CUL1: variants seen among roughly 807,000 people sequenced by gnomAD.
CUL1 encodes the protein cullin-1.
In CUL1, 24 loss-of-function variants were observed where a neutral mutation model predicts 118.0. The observed-to-expected ratio is 0.20, with a 90% confidence interval of 0.15 to 0.29. The LOEUF (loss-of-function observed/expected upper bound fraction) is 0.29, where lower values mean the gene tolerates loss of function less well. CUL1 is among the 10% of genes least tolerant of loss of function. The pLI, the probability that CUL1 is intolerant of heterozygous loss-of-function variation, is 1.00. For synonymous variants in CUL1, 332 were observed against 340.4 expected, an observed-to-expected ratio of 0.98 and a Z score of 0.27; for missense variants, 361 against 933.8, an observed-to-expected ratio of 0.39 and a Z score of 7.99.
At chr7:148,766,165 C>T (rs1457770229) in intron 7 of CUL1, among the ~76,000 whole-genome samples, 1 of 152,122 alleles carries the variant, frequency 6.6e-6, no homozygotes, top group Non-Finnish European at 1.5e-5. Flanking sequence ...GAGTCTTGCT[C>T]TGTTGCCCAG....
chr7:148,731,637 C>T (rs934090782), intron 2 of CUL1, among the ~76,000 whole-genome samples: 1 of 152,090 alleles, frequency 6.6e-6, no homozygotes, highest in Non-Finnish European at 1.5e-5. Context: ...AATTTTAGAA[C>T]ATTTTAATCA....
chr7:148,732,574 A>G (rs1798798982), intron 2 of CUL1, among the ~76,000 whole-genome samples: 1 of 151,632 alleles, frequency 6.6e-6, no homozygotes. Context: ...TTCTGGGCTC[A>G]AGCATTCCGC....
chr7:148,754,811 A>T (rs115518135), intron 3 of CUL1, among the ~76,000 whole-genome samples: 14 of 151,362 alleles, frequency 9.2e-5, no homozygotes, highest in African/African-American at 3.4e-4. Context: ...CAGTAGTGCA[A>T]TCATAGGTCA....
At chr7:148,782,539 T>C (rs1800675510) in intron 9 of CUL1, among the ~76,000 whole-genome samples, 1 of 152,264 alleles carries the variant, frequency 6.6e-6, no homozygotes, top group African/African-American at 2.4e-5. Context: ...TCCCTTTTAA[T>C]GTTTTCTCTT....
Position 148,767,809 on chromosome 7 carries a change from CAT to C in CUL1, c.1083+63_1083+64del, listed in dbSNP as rs1401586948. 2.6e-6 allele frequency: 4 copies of C among 1,521,898 alleles called. No individual in the cohort carries two copies. In the African/African-American group the frequency reaches 4.2e-5, roughly 16 times the overall value. The allele number at this position is 1,521,898 out of a possible 1,614,324, so 94.3% of individuals were successfully genotyped here. A position where few individuals can be genotyped will look rare whatever the true frequency, so the allele number is the denominator to read the frequency against. ...ATTATTTCCACATGCGAACTGCAAG[CAT>C]ATGTTATGCGTCTCTACTTCCAAAT... On this transcript the variant is annotated intron_variant, in intron 9 of 21. Transcript: ENST00000325222.
intron 20 of CUL1, 97 bp from the exon 21 acceptor site, chr7:148,799,178 A>ACTTC: frequency 1.2e-6 from 1 of 816,488 alleles, no homozygotes; most frequent in Non-Finnish European, 2.0e-6. Flanking sequence ...GATCCTGTGC[A>ACTTC]TAGGCGTCGG....
At chr7:148,790,244 C>G (rs1024596544) in intron 15 of CUL1, 66 bp from the exon 16 acceptor site, 8 of 1,556,738 alleles carry the variant, frequency 5.1e-6, no homozygotes, top group South Asian at 1.1e-5. Context: ...GTGGGCTTTA[C>G]TTAGAAACGC....
chr7:148,708,962 A>T (rs1440345131), intron 1 of CUL1, among the ~76,000 whole-genome samples: 1 of 152,248 alleles, frequency 6.6e-6, no homozygotes, highest in Non-Finnish European at 1.5e-5. Flanking sequence ...GATTATAACC[A>T]GCAAACCATA....
At chr7:148,789,680 G>T in intron 14 of CUL1, 70 bp from the exon 15 acceptor site, 1 of 1,233,036 alleles carries the variant, frequency 8.1e-7, no homozygotes, top group South Asian at 1.2e-5. Flanking sequence ...TGAAATGATT[G>T]AATTTTTCAG....
chr7:148,734,289 C>T (rs1302008099), intron 2 of CUL1, among the ~76,000 whole-genome samples: 2 of 152,174 alleles, frequency 1.3e-5, no homozygotes, highest in African/African-American at 4.8e-5. Context: ...CTCTGTCAAC[C>T]CAGGCTGGAG....
intron 2 of CUL1, among the ~76,000 whole-genome samples, chr7:148,732,261 G>C (rs73467432): frequency 0.01 from 1,595 of 152,198 alleles, 26 homozygotes; most frequent in African/African-American, 0.037. Flanking sequence ...GCTCAAGGAG[G>C]TGTCATTGTT....
intron 8 of CUL1, among the ~76,000 whole-genome samples, 155 bp from the exon 9 acceptor site, chr7:148,767,464 A>T (rs553461192): frequency 6.6e-6 from 1 of 152,250 alleles, no homozygotes; most frequent in Non-Finnish European, 1.5e-5. Flanking sequence ...CCAAATAGAG[A>T]ATATTTGGTT....
intron 4 of CUL1, among the ~76,000 whole-genome samples, chr7:148,758,465 A>G (rs925975873): frequency 2.0e-5 from 3 of 152,146 alleles, no homozygotes; most frequent in Non-Finnish European, 2.9e-5. Flanking sequence ...AGACCTACAA[A>G]AAAAATATCC....
intron 1 of CUL1, among the ~76,000 whole-genome samples, chr7:148,705,489 C>T (rs187566521): frequency 3.3e-5 from 5 of 152,176 alleles, no homozygotes; most frequent in East Asian, 1.9e-4. Context: ...ATGAGAAAAC[C>T]GTTGCACAGA....
chr7:148,764,359 A>G (rs1198609057), intron 7 of CUL1, among the ~76,000 whole-genome samples: 1 of 152,186 alleles, frequency 6.6e-6, no homozygotes, highest in African/African-American at 2.4e-5. Context: ...CCTGATGACA[A>G]TACCTACGAC....
At chr7:148,729,094 A>G (rs547938640) in intron 1 of CUL1, among the ~76,000 whole-genome samples, 1 of 152,354 alleles carries the variant, frequency 6.6e-6, no homozygotes, top group East Asian at 1.9e-4. Flanking sequence ...ATTGAGAAGT[A>G]TTGGTTTGAT....
intron 1 of CUL1, among the ~76,000 whole-genome samples, chr7:148,701,246 A>T (rs1243497795): frequency 6.6e-6 from 1 of 152,098 alleles, no homozygotes; most frequent in Admixed American, 6.5e-5. Flanking sequence ...CGTTGTGCTT[A>T]AGCCGGTTAA....
chr7:148,740,398 A>G (rs192539280), intron 2 of CUL1, among the ~76,000 whole-genome samples: 5 of 152,316 alleles, frequency 3.3e-5, no homozygotes, highest in African/African-American at 1.2e-4. Context: ...CAATGCACTC[A>G]TTTAAAGTGT....
intron 9 of CUL1, among the ~76,000 whole-genome samples, chr7:148,781,035 T>G (rs1800609545): frequency 6.6e-6 from 1 of 151,722 alleles, no homozygotes; most frequent in South Asian, 2.1e-4. Flanking sequence ...CCTAAATGGC[T>G]TTTCTCTGAA....
Sources: gnomAD v4.1 joint callset for allele counts (sites outside exome capture counted in the v4.1 genomes callset) on GRCh38, gnomAD v4.1.1 for gene constraint, MANE v1.5 for transcripts, NCBI Gene and HGNC (gene_info 2026-07-23, HGNC 2026-07-21) for gene names.